The following AKAP10 variants were observed in gnomAD, a reference collection of about 807,000 sequenced individuals.
AKAP10 encodes A-kinase anchoring protein 10.
A neutral mutation model predicts 80.8 loss-of-function variants in AKAP10; 24 were observed. That is an observed-to-expected ratio of 0.30 (90% confidence interval 0.22 to 0.42). The LOEUF (loss-of-function observed/expected upper bound fraction) is 0.42, where lower values mean the gene tolerates loss of function less well. Ranked by LOEUF, AKAP10 falls within the 10% of genes least tolerant of loss-of-function variation. The pLI is 1.00. For synonymous variants in AKAP10, 291 were observed against 277.7 expected (o/e 1.05, Z -0.48); for missense variants, 661 against 794.9 (o/e 0.83, Z 2.03).
At chr17:19,965,661 G>GT (rs2152418801) in intron 2 of AKAP10, among the ~76,000 whole-genome samples, 1 of 152,248 alleles carries the variant, frequency 6.6e-6, no homozygotes, top group East Asian at 1.9e-4. Flanking sequence ...TTTATACAAG[G>GT]TAAGTGTCAT....
In AKAP10 at chr17:19,939,926, A is replaced by G. The variant is rs536042123; in HGVS notation, c.1186-77T>C. On this transcript the variant is annotated intron_variant, in intron 7 of 14. Coordinates refer to ENST00000225737, the MANE Select transcript of AKAP10 (RefSeq NM_007202.4). ...CACAATCTCTAATCTATAAGCTCAA[A>G]TATTAAAATACAGGTCATAAGCAAA... is the stretch of plus-strand genomic sequence containing the variant. 2,374 of 1,481,424 alleles carry G rather than the reference A, an allele frequency of 1.6e-3. 4 individuals carry two copies. Among genetic ancestry groups the G allele is most frequent in the Non-Finnish European group, 1.9e-3 (2,127 of 1,107,886 alleles). 91.8% of individuals were successfully genotyped at this position (1,481,424 alleles called of 1,614,324 possible). A position where few individuals can be genotyped will look rare whatever the true frequency, so the allele number is the denominator to read the frequency against.
At chr17:19,975,044 T>C (rs1361376784) in intron 1 of AKAP10, among the ~76,000 whole-genome samples, 4 of 152,154 alleles carry the variant, frequency 2.6e-5, no homozygotes, top group Non-Finnish European at 5.9e-5. Flanking sequence ...GTATTTTGTT[T>C]GACACATGGT....
intron 4 of AKAP10, among the ~76,000 whole-genome samples, chr17:19,951,775 T>A (rs1057024511): frequency 1.3e-5 from 2 of 152,100 alleles, no homozygotes; most frequent in African/African-American, 4.8e-5. Flanking sequence ...CGCAGGGTCC[T>A]CTGTCTAGGA....
intron 5 of AKAP10, among the ~76,000 whole-genome samples, chr17:19,944,377 T>G (rs1706347438): frequency 6.6e-6 from 1 of 152,280 alleles, no homozygotes; most frequent in African/African-American, 2.4e-5. Flanking sequence ...ACACTTTATA[T>G]GCTTATATAT....
intron 10 of AKAP10, among the ~76,000 whole-genome samples, chr17:19,925,295 C>T (rs2042864466): frequency 1.3e-5 from 2 of 152,064 alleles, no homozygotes; most frequent in South Asian, 4.2e-4. Context: ...GTCATACATC[C>T]AGAAATATGT....
intron 1 of AKAP10, among the ~76,000 whole-genome samples, chr17:19,970,742 G>T (rs1287709843): frequency 6.6e-6 from 1 of 151,976 alleles, no homozygotes; most frequent in Non-Finnish European, 1.5e-5. Context: ...AGAATCGCTT[G>T]AACCCGGGAG....
chr17:19,920,261 T>C, intron 11 of AKAP10, 143 bp from the exon 12 acceptor site: 1 of 593,324 alleles, frequency 1.7e-6, no homozygotes, highest in Non-Finnish European at 2.9e-6. Flanking sequence ...AAAGTAGGGA[T>C]TATTTGAAAT....
chr17:19,946,281 T>G, intron 5 of AKAP10, among the ~76,000 whole-genome samples: 1 of 37,522 alleles, frequency 2.7e-5, no homozygotes, highest in East Asian at 1.0e-3. Flanking sequence ...ATATATTTTT[T>G]TTTTTTTTTT....
intron 2 of AKAP10, among the ~76,000 whole-genome samples, chr17:19,963,499 G>GC (rs1393459480): frequency 1.3e-5 from 2 of 152,106 alleles, no homozygotes; most frequent in Non-Finnish European, 2.9e-5. Context: ...AAGCCAGAAA[G>GC]CATTCTAAAA....
At chr17:19,945,553 T>C (rs2043094479) in intron 5 of AKAP10, among the ~76,000 whole-genome samples, 1 of 152,070 alleles carries the variant, frequency 6.6e-6, no homozygotes, top group Admixed American at 6.6e-5. Flanking sequence ...CAGATAGGGA[T>C]AAGCCACCAA....
chr17:19,974,519 G>A (rs2043540916), intron 1 of AKAP10, among the ~76,000 whole-genome samples: 1 of 152,104 alleles, frequency 6.6e-6, no homozygotes, highest in Non-Finnish European at 1.5e-5. Context: ...ATATTGGTCA[G>A]GTAGAGATAC....
intron 5 of AKAP10, among the ~76,000 whole-genome samples, chr17:19,945,174 G>C (rs1429511409): frequency 6.6e-6 from 1 of 152,152 alleles, no homozygotes; most frequent in Non-Finnish European, 1.5e-5. Context: ...TCCTTCAGAA[G>C]ACTTTTCCTT....
chr17:19,921,421 G>A (rs1170380706), intron 11 of AKAP10, among the ~76,000 whole-genome samples: 1 of 151,892 alleles, frequency 6.6e-6, no homozygotes, highest in Non-Finnish European at 1.5e-5. Flanking sequence ...CTCCCAAAGT[G>A]CTGGGATTAC....
chr17:19,936,321 T>C lies in AKAP10; in HGVS notation c.1432A>G (p.Thr478Ala), dbSNP rs1390880742. The change falls in exon 9 of 15, where the codon ACT becomes GCT. Residue 478 changes from threonine (T) to alanine (A), a missense_variant. Physicochemically the swap from Thr to Ala is moderately conservative, Grantham distance 58 (BLOSUM62 0). Transcript: ENST00000225737. ...EGGPLPNCFT[T>A]PLRQAWTTME... is the part of the protein sequence containing the mutation. ...GTTGTCCAGGCCTGACGTAATGGAG[T>C]TGTGAAACAGTTGGGGAGTGGCCCA... 2.5e-6 allele frequency: 4 copies of C among 1,613,676 alleles called. No homozygotes were observed. Among genetic ancestry groups the C allele is most frequent in the East Asian group, 2.2e-5 (1 of 44,880 alleles).
At chr17:19,952,292 C>T (rs971195365) in intron 4 of AKAP10, among the ~76,000 whole-genome samples, 34 of 151,496 alleles carry the variant, frequency 2.2e-4, no homozygotes, top group African/African-American at 7.0e-4. Flanking sequence ...GGTGAAAATC[C>T]GTTTCTACTA....
Position 19,977,697 on chromosome 17 carries a change from C to A in AKAP10, c.-18G>T. 3 of 1,231,674 alleles carry A rather than the reference C, an allele frequency of 2.4e-6. No individual in the cohort carries two copies. The highest frequency in any genetic ancestry group is 3.0e-6 in the Non-Finnish European group (3 of 984,220). The allele number at this position is 1,231,674 out of a possible 1,614,324, so 76.3% of individuals were successfully genotyped here. ...CCCCTCATTCAGCAACCGGCCCGGA[C>A]TTCCGGGTCCAGAGGGGCCGCTGCA... On this transcript the variant is annotated 5_prime_UTR_variant, in exon 1 of 15. Transcript: ENST00000225737.
rs765472306 is a variant in AKAP10 at position 19,958,283 on chromosome 17, A to C, written c.608T>G (p.Leu203Arg). ...GCCAGAATCCTCCAATCTCTTATCA[A>C]GAGAATCAGTTAAAAAAGACGCTGT... ...ETTASFLTDS[L>R]DKRLEDSGSA... Residue 203 changes from leucine to arginine, a missense_variant, in exon 4 of 15, where the codon CTT (leucine) becomes CGT (arginine). Physicochemically the swap from Leu to Arg is moderately radical, Grantham distance 102 (BLOSUM62 -2). Coordinates refer to ENST00000225737, the MANE Select transcript of AKAP10 (RefSeq NM_007202.4). 6 of 1,614,098 alleles carry C rather than the reference A, an allele frequency of 3.7e-6. No individual in the cohort carries two copies. Among genetic ancestry groups the C allele is most frequent in the Non-Finnish European group, 5.1e-6 (6 of 1,180,036 alleles).
At chr17:19,946,260 T>A (rs1597510438) in intron 5 of AKAP10, among the ~76,000 whole-genome samples, 2 of 27,814 alleles carry the variant, frequency 7.2e-5, no homozygotes, top group African/African-American at 3.1e-4. Context: ...TATATATATA[T>A]ATATATATAT....
chr17:19,910,329 A>AAAAAAAAAC (rs2042676437), intron 12 of AKAP10, among the ~76,000 whole-genome samples: 1 of 151,210 alleles, frequency 6.6e-6, no homozygotes, highest in African/African-American at 2.4e-5. Context: ...CCAACTCAAA[A>AAAAAAAAAC]AAAAAAAAAA....
Sources: gnomAD v4.1 joint callset for allele counts (sites outside exome capture counted in the v4.1 genomes callset) on GRCh38, gnomAD v4.1.1 for gene constraint, MANE v1.5 for transcripts, NCBI Gene and HGNC (gene_info 2026-07-23, HGNC 2026-07-21) for gene names.